Variants in SCN7A observed in about 807,000 individuals in gnomAD.
The protein encoded by SCN7A is sodium voltage-gated channel alpha subunit 7.
SCN7A carries 138 observed loss-of-function variants against 155.2 expected under a neutral mutation model. That is an observed-to-expected ratio of 0.89 (90% CI 0.77 to 1.02). The LOEUF is 1.02. Among genes scored for constraint, SCN7A ranks in the 50% least tolerant of loss-of-function variants. The pLI is 0.00. For synonymous variants in SCN7A, 693 were observed against 649.0 expected (o/e 1.07, Z -1.03); for missense variants, 2,058 against 1,986.6 (o/e 1.04, Z -0.68).
chr2:166,437,083 C>T (rs1465679172), intron 15 of SCN7A, among the ~76,000 whole-genome samples: 2 of 152,324 alleles, frequency 1.3e-5, no homozygotes, highest in East Asian at 3.9e-4. Context: ...GATAATGTCT[C>T]CAGGGCATGT....
intron 4 of SCN7A, 56 bp from the exon 5 acceptor site, chr2:166,473,944 C>A: frequency 1.1e-6 from 1 of 899,914 alleles, no homozygotes; most frequent in Non-Finnish European, 1.7e-6. Context: ...AGATATATTT[C>A]TATGATATAT....
chr2:166,441,482 C>T lies in SCN7A; in HGVS notation c.2071G>A (p.Glu691Lys). The change falls in exon 15 of 26, where the codon GAG (glutamate) becomes AAG (lysine). Residue 691 changes from glutamate (E) to lysine (K), a missense_variant. Transcript: ENST00000643258. ...ACCTCCATACAGTCCCACAAGGTCT[C>T]TACCCACTCTCCACAGAGAATTCGG... ...VFRILCGEWV[E>K]TLWDCMEVAG... 3 of 1,614,074 alleles carry T rather than the reference C, an allele frequency of 1.9e-6. No homozygotes were observed. The highest frequency in any genetic ancestry group is 2.5e-6 in the Non-Finnish European group (3 of 1,179,972).
chr2:166,490,688 A>T (rs1478828062), intron 1 of SCN7A, among the ~76,000 whole-genome samples: 1 of 152,192 alleles, frequency 6.6e-6, no homozygotes, highest in Admixed American at 6.5e-5. Context: ...AATTAAAAAA[A>T]TCTAGAACTG....
At chr2:166,429,356 A>G in intron 16 of SCN7A, 82 bp from the exon 17 acceptor site, 1 of 841,334 alleles carries the variant, frequency 1.2e-6, no homozygotes, top group Non-Finnish European at 1.9e-6. Context: ...CATTTTCAGA[A>G]GTAAGAAAAA....
chr2:166,449,838 G>A (rs1028335772), intron 11 of SCN7A, among the ~76,000 whole-genome samples: 2 of 152,132 alleles, frequency 1.3e-5, no homozygotes, highest in African/African-American at 4.8e-5. Context: ...GTGAGGTTGT[G>A]GAGAAATTGG....
At chr2:166,438,444 T>C (rs961494478) in intron 15 of SCN7A, among the ~76,000 whole-genome samples, 5 of 152,162 alleles carry the variant, frequency 3.3e-5, no homozygotes, top group Admixed American at 6.5e-5. Context: ...AATACAGTGA[T>C]AGAACTGAAA....
chr2:166,483,387 A>T (rs1702974590), intron 2 of SCN7A, among the ~76,000 whole-genome samples: 1 of 151,930 alleles, frequency 6.6e-6, no homozygotes, highest in Non-Finnish European at 1.5e-5. Context: ...TTACTCGGAT[A>T]GTGTGGGGTT....
chr2:166,479,079 T>C (rs1047353902), intron 2 of SCN7A, among the ~76,000 whole-genome samples: 5 of 152,260 alleles, frequency 3.3e-5, no homozygotes, highest in African/African-American at 1.2e-4. Flanking sequence ...GGTTTTGATA[T>C]TGTGGCATTT....
At chr2:166,466,041 A>G in intron 7 of SCN7A, 54 bp from the exon 8 acceptor site, 1 of 1,327,234 alleles carries the variant, frequency 7.5e-7, no homozygotes, top group Non-Finnish European at 1.0e-6. Flanking sequence ...GAAAAGCACT[A>G]TTGGCAAACC....
chr2:166,406,776 C>T (rs1574995148), intron 25 of SCN7A, 130 bp from the exon 26 acceptor site: 1 of 686,606 alleles, frequency 1.5e-6, no homozygotes, highest in Non-Finnish European at 2.4e-6. Context: ...TTCCATTTTA[C>T]TAATCATTCT....
chr2:166,493,238 CAA>C (rs1191862852), intron 1 of SCN7A, among the ~76,000 whole-genome samples: 2 of 152,020 alleles, frequency 1.3e-5, no homozygotes, highest in African/African-American at 4.8e-5. Context: ...GTCCAATATC[CAA>C]ACTGGAACCC....
chr2:166,444,879 C>T lies in SCN7A; in HGVS notation c.1509G>A (p.Met503Ile). The T allele has an allele frequency of 6.2e-7, 1 of 1,612,232 alleles. No individual in the cohort carries two copies. Among genetic ancestry groups the T allele is most frequent in the South Asian group, 1.1e-5 (1 of 90,990 alleles). The change falls in exon 13 of 26, where the codon ATG becomes ATA. Residue 503 changes from methionine to isoleucine, a missense_variant. Coordinates refer to ENST00000643258, the MANE Select transcript of SCN7A (RefSeq NM_002976.4). ...TAAGGAAAAGATCAGTAAATGGTGC[C>T]ATTATAATCCTATGGACAAACTCTT... ...KLKEFVHRII[M>I]APFTDLFLII...
rs544560163 is a variant in SCN7A, at chr2:166,430,371, C to T, written c.2593-1097G>A. 9.4e-4 allele frequency among the ~76,000 whole-genome samples: 143 copies of T among 151,868 alleles called. 3 individuals carry two copies. The highest frequency in any genetic ancestry group is 3.2e-3 in the African/African-American group (134 of 41,462). On this transcript the variant is annotated intron_variant, in intron 16 of 25. Coordinates refer to ENST00000643258, the MANE Select transcript of SCN7A (RefSeq NM_002976.4). ...ATTCTTACACAGATATTTTTATTTCCATTACTTTTATATATTCTTTATTTA... is the reference window on the plus strand; with the variant it reads ...ATTCTTACACAGATATTTTTATTTCTATTACTTTTATATATTCTTTATTTA...
At chr2:166,440,117 C>T (rs76555737) in intron 15 of SCN7A, among the ~76,000 whole-genome samples, 5,480 of 152,218 alleles carry the variant, frequency 0.036, 111 homozygotes, top group Non-Finnish European at 0.04. Context: ...AAAGCTTTCT[C>T]TCTTAGTTAA....
At chr2:166,487,719 T>C (rs144810312) in intron 1 of SCN7A, among the ~76,000 whole-genome samples, 1 of 152,224 alleles carries the variant, frequency 6.6e-6, no homozygotes, top group African/African-American at 2.4e-5. Flanking sequence ...TCCTAATGCA[T>C]TCCAAAAAGA....
At position 166,406,407 on chromosome 2, in the gene SCN7A, C is replaced by T; in HGVS notation, c.4222G>A (p.Glu1408Lys). Reference protein sequence around the residue: ...GMYNFAYVKKEAGINDVSNFE... With the variant: ...GMYNFAYVKKKAGINDVSNFE... ...TTAGACACATCATTAATTCCAGCTT[C>T]TTTTTTAACATAGGCAAAATTATAC... Residue 1408 changes from glutamate (E) to lysine (K), a missense_variant, in exon 26 of 26, where the codon GAA becomes AAA. Coordinates refer to ENST00000643258, the MANE Select transcript of SCN7A (RefSeq NM_002976.4). The T allele has an allele frequency of 6.2e-7, 1 of 1,612,964 alleles. No individual in the cohort carries two copies. The highest frequency in any genetic ancestry group is 8.5e-7 in the Non-Finnish European group (1 of 1,179,366).
chr2:166,459,130 AT>A (rs1250631417), intron 10 of SCN7A, among the ~76,000 whole-genome samples: 3 of 152,156 alleles, frequency 2.0e-5, no homozygotes, highest in Admixed American at 6.5e-5. Context: ...ATTCAATATT[AT>A]TTCAATATAC....
chr2:166,456,663 C>G lies in SCN7A; in HGVS notation c.1290+207G>C, dbSNP rs1702281556. On this transcript the variant is annotated intron_variant, in intron 11 of 25. Coordinates refer to ENST00000643258, the MANE Select transcript of SCN7A (RefSeq NM_002976.4). ...ATAACAAATGTTGACACAAGCAGAG[C>G]CTTAAAGCACTTGGCATGGTGCTTG... Among the ~76,000 whole-genome samples, 2 of 152,040 alleles carry G rather than the reference C, an allele frequency of 1.3e-5. 1 individual carries two copies. The highest frequency in any genetic ancestry group is 4.1e-4 in the South Asian group (2 of 4,824).
intron 1 of SCN7A, among the ~76,000 whole-genome samples, chr2:166,493,337 T>G (rs1463388865): frequency 2.6e-5 from 4 of 152,186 alleles, no homozygotes; most frequent in Non-Finnish European, 4.4e-5. Flanking sequence ...GTTCTAAGTT[T>G]TGAAGCTAAC....
Sources: allele counts gnomAD v4.1 joint callset (sites outside exome capture counted in the v4.1 genomes callset), GRCh38; gene constraint gnomAD v4.1.1; transcripts MANE v1.5; gene names NCBI Gene and HGNC (gene_info 2026-07-23, HGNC 2026-07-21).